The following DPY30 variants were observed in gnomAD, a reference collection of about 807,000 sequenced individuals.
The protein encoded by DPY30 is protein dpy-30 homolog.
DPY30 carries 6 observed loss-of-function variants against 16.2 expected under a neutral mutation model. The observed-to-expected ratio is 0.37, with a 90% confidence interval of 0.20 to 0.73. The LOEUF (loss-of-function observed/expected upper bound fraction) is 0.73. Ranked by LOEUF, DPY30 falls within the 30% of genes least tolerant of loss-of-function variation. DPY30 has a pLI of 0.51. For missense variants in DPY30, 73 were observed against 113.1 expected (o/e 0.65, Z 1.61); for synonymous variants, 39 against 38.8 (o/e 1.00, Z -0.02).
chr2:32,038,390 C>A (rs1472169202), intron 3 of DPY30, among the ~76,000 whole-genome samples: 1 of 113,026 alleles, frequency 8.8e-6, no homozygotes, highest in Non-Finnish European at 1.7e-5. Flanking sequence ...GGTGAGCCAC[C>A]GCGTCCGGCC....
chr2:32,039,634 G>C, intron 1 of DPY30, 99 bp downstream of exon 1: 1 of 685,132 alleles, frequency 1.5e-6, no homozygotes, highest in South Asian at 1.8e-5. Context: ...AGCAGAGTGG[G>C]ACAGTCCACG....
intron 3 of DPY30, among the ~76,000 whole-genome samples, chr2:32,038,415 G>T (rs1675834543): frequency 9.6e-6 from 1 of 103,632 alleles, no homozygotes; most frequent in Non-Finnish European, 2.0e-5. Context: ...TTTGAGGGGG[G>T]GGGGGGCGGG....
chr2:32,038,134 T>TC (rs1675816330), intron 3 of DPY30, among the ~76,000 whole-genome samples: 1 of 118,096 alleles, frequency 8.5e-6, no homozygotes, highest in Admixed American at 8.6e-5. Context: ...TCATTTTCTT[T>TC]CTTTTTTTTT....
chr2:32,036,702 C>A (rs1449808960), intron 3 of DPY30, among the ~76,000 whole-genome samples: 1 of 144,600 alleles, frequency 6.9e-6, no homozygotes, highest in Non-Finnish European at 1.5e-5. Context: ...CCAGTGTCTA[C>A]TGAAAATACA....
At chr2:32,013,772 G>A (rs1675012168) in intron 5 of DPY30, among the ~76,000 whole-genome samples, 1 of 152,216 alleles carries the variant, frequency 6.6e-6, no homozygotes, top group African/African-American at 2.4e-5. Context: ...CACTTTGGGA[G>A]GCCAAGGCGG....
chr2:32,029,958 AATGTC>A (rs1272339999), intron 3 of DPY30, among the ~76,000 whole-genome samples: 7 of 152,030 alleles, frequency 4.6e-5, no homozygotes, highest in Admixed American at 6.6e-5. Flanking sequence ...TCATTGTTCT[AATGTC>A]ATGTCTCAAG....
At chr2:32,011,802 C>T (rs1674930871), downstream of DPY30, 1 of 152,212 alleles carries the variant, frequency 6.6e-6, no homozygotes, top group Admixed American at 6.5e-5. Flanking sequence ...GCCTATAATC[C>T]CAGCACTTTG....
intron 3 of DPY30, among the ~76,000 whole-genome samples, chr2:32,037,691 G>C (rs1675796949): frequency 6.6e-6 from 1 of 151,876 alleles, no homozygotes; most frequent in Non-Finnish European, 1.5e-5. Context: ...CTGAGTAGCT[G>C]GGATTACAGG....
intron 4 of DPY30, among the ~76,000 whole-genome samples, chr2:32,028,991 G>T (rs1675434753): frequency 6.6e-6 from 1 of 152,144 alleles, no homozygotes; most frequent in Admixed American, 6.6e-5. Flanking sequence ...ATAATAATAG[G>T]CCGGGCGCAG....
chr2:32,025,236 G>A (rs112356324), intron 4 of DPY30, among the ~76,000 whole-genome samples: 1,744 of 152,032 alleles, frequency 0.011, 38 homozygotes, highest in African/African-American at 0.039. Context: ...AAGCCGAGGC[G>A]GGTGGATCAT....
intron 4 of DPY30, 119 bp from the exon 5 acceptor site, chr2:32,024,375 G>C (rs1675258226): frequency 1.3e-6 from 1 of 747,266 alleles, no homozygotes; most frequent in Admixed American, 3.0e-5. Context: ...CACAGTCAAA[G>C]GACATTTGTA....
chr2:32,017,505 T>C (rs1675087649), intron 5 of DPY30, among the ~76,000 whole-genome samples: 4 of 151,594 alleles, frequency 2.6e-5, no homozygotes, highest in South Asian at 2.1e-4. Context: ...TAATCCCAGC[T>C]ACTTGGGAGG....
intron 1 of DPY30, 103 bp downstream of exon 1, chr2:32,039,630 G>T: frequency 1.3e-6 from 1 of 752,098 alleles, no homozygotes; most frequent in African/African-American, 1.7e-5. Context: ...GAGCAGCAGA[G>T]TGGGACAGTC....
downstream of DPY30, among the ~76,000 whole-genome samples, chr2:32,022,883 A>G (rs879813168): frequency 3.9e-5 from 6 of 152,168 alleles, no homozygotes; most frequent in Non-Finnish European, 8.8e-5. Context: ...CGACTTTAAT[A>G]GGCTTCTAAT....
chr2:32,025,801 GAA>G (rs764218451), intron 4 of DPY30, among the ~76,000 whole-genome samples: 18 of 141,348 alleles, frequency 1.3e-4, no homozygotes, highest in African/African-American at 4.2e-4. Context: ...GGGCCGGGGG[GAA>G]AAAAAAAACA....
At chr2:32,019,201 TCCAGCCTCAG>T (rs1406074861), downstream of DPY30, among the ~76,000 whole-genome samples, 1 of 152,108 alleles carries the variant, frequency 6.6e-6, no homozygotes, top group Non-Finnish European at 1.5e-5. Context: ...CAAGCCATTC[TCCAGCCTCAG>T]CCTTCTGAGC....
At chr2:32,021,625 G>A (rs928564889), downstream of DPY30, among the ~76,000 whole-genome samples, 1 of 150,704 alleles carries the variant, frequency 6.6e-6, no homozygotes, top group African/African-American at 2.4e-5. Flanking sequence ...GTTGCAGTGA[G>A]CTGAGATTGC....
chr2:32,017,474 G>A (rs988904520), intron 5 of DPY30, among the ~76,000 whole-genome samples: 9 of 151,762 alleles, frequency 5.9e-5, no homozygotes, highest in African/African-American at 1.7e-4. Flanking sequence ...AAAATTAGCC[G>A]GGCATGGTGG....
chr2:32,015,223 C>G (rs1020236742), intron 5 of DPY30, among the ~76,000 whole-genome samples: 2 of 152,062 alleles, frequency 1.3e-5, no homozygotes, highest in Admixed American at 6.6e-5. Flanking sequence ...CCCTATAGAT[C>G]AGAAAAATAT....
Sources: gnomAD v4.1 joint callset for allele counts (sites outside exome capture counted in the v4.1 genomes callset) on GRCh38, gnomAD v4.1.1 for gene constraint, MANE v1.5 for transcripts, NCBI Gene and HGNC (gene_info 2026-07-23, HGNC 2026-07-21) for gene names.